RAD21: variants seen among roughly 807,000 people sequenced by gnomAD.
RAD21 encodes the protein RAD21 cohesin complex component.
Under a neutral mutation model 71.5 loss-of-function variants are expected in RAD21, and 18 were observed. That is an observed-to-expected ratio of 0.25 (90% CI 0.17 to 0.37). The LOEUF (loss-of-function observed/expected upper bound fraction) is 0.37. RAD21 is among the 10% of genes least tolerant of loss of function. The pLI, the probability that RAD21 is intolerant of heterozygous loss-of-function variation, is 1.00. For missense variants in RAD21, 493 were observed against 769.1 expected (o/e 0.64, Z 4.25); for synonymous variants, 248 against 254.0 (o/e 0.98, Z 0.22).
In RAD21 at chr8:116,849,041, T is replaced by A. The variant is rs1812300410; in HGVS notation, c.1621-12A>T. Reference sequence around the variant, plus strand: ...GATGCATCTTCATCCTGAATAAAAATGACCCCCAAAAAGCTGACAAAACAA... The same window carrying A: ...GATGCATCTTCATCCTGAATAAAAAAGACCCCCAAAAAGCTGACAAAACAA... On this transcript the variant is annotated splice_polypyrimidine_tract_variant and intron_variant, in intron 12 of 13. Transcript: ENST00000297338. 1.3e-6 allele frequency: 2 copies of A among 1,561,300 alleles called. No homozygotes were observed. The highest frequency in any genetic ancestry group is 3.9e-5 in the Admixed American group (2 of 50,692).
intron 13 of RAD21, among the ~76,000 whole-genome samples, chr8:116,848,285 G>T (rs1165004555): frequency 6.6e-6 from 1 of 152,174 alleles, no homozygotes; most frequent in Non-Finnish European, 1.5e-5. Flanking sequence ...GCCAAAGTAT[G>T]TTATGGTACA....
At chr8:116,856,021 G>A (rs1424794725) in intron 8 of RAD21, 145 bp downstream of exon 8, 4 of 793,776 alleles carry the variant, frequency 5.0e-6, no homozygotes, top group Middle Eastern at 3.9e-4. Context: ...AGCAACAGTA[G>A]CAGATCAGTA....
chr8:116,852,274 G>A lies in RAD21; in HGVS notation c.1322-178C>T. 4 of 674,254 alleles carry A rather than the reference G, an allele frequency of 5.9e-6. No individual in the cohort carries two copies. In the South Asian group the frequency reaches 1.0e-4, roughly 17 times the overall value. 41.8% of individuals were successfully genotyped at this position (674,254 alleles called of 1,614,324 possible). A position where few individuals can be genotyped will look rare whatever the true frequency, so the allele number is the denominator to read the frequency against. On this transcript the variant is annotated intron_variant, in intron 10 of 13. Transcript: ENST00000297338. ...TCAATTTTTAGCAATATACGTAAAGGGGAAAGGGGATCTTAAAAGGACAAG... is the reference window on the plus strand; with the variant it reads ...TCAATTTTTAGCAATATACGTAAAGAGGAAAGGGGATCTTAAAAGGACAAG...
Position 116,864,461 on chromosome 8 carries a change from G to A in RAD21, c.145-1202C>T, listed in dbSNP as rs184582664. On this transcript the variant is annotated intron_variant, in intron 2 of 13. Coordinates refer to ENST00000297338, the MANE Select transcript of RAD21 (RefSeq NM_006265.3). ...TTCTGTATTTATGAGCATTTTATGT[G>A]ACTTACAGCATAAATGATGATGTAT... Among the ~76,000 whole-genome samples the A allele has an allele frequency of 3.2e-4, 49 of 152,102 alleles. 1 individual carries two copies. Among genetic ancestry groups the A allele is most frequent in the Admixed American group, 3.2e-3 (49 of 15,268 alleles).
chr8:116,869,973 T>C (rs1812777338), intron 1 of RAD21, among the ~76,000 whole-genome samples: 1 of 152,200 alleles, frequency 6.6e-6, no homozygotes, highest in African/African-American at 2.4e-5. Flanking sequence ...GTTACGCGTA[T>C]CACAAGCAAC....
chr8:116,854,287 A>G lies in RAD21; in HGVS notation c.1119T>C (p.Phe373=). The G allele has an allele frequency of 1.2e-6, 2 of 1,613,864 alleles. No homozygotes were observed. Among genetic ancestry groups the G allele is most frequent in the South Asian group, 1.1e-5 (1 of 91,066 alleles). ...TCCACAAAGGCTGAGCAGGTAAAGA[A>G]AACAGTTTTTCTACTCCTCCTGTCT... ...WKETGGVEKL[F]SLPAQPLWNN... is the part of the protein sequence containing the mutation. The change falls in exon 9 of 14, where the codon TTT becomes TTC. Residue 373 remains phenylalanine, a synonymous_variant. Coordinates refer to ENST00000297338, the MANE Select transcript of RAD21 (RefSeq NM_006265.3).
intron 1 of RAD21, among the ~76,000 whole-genome samples, chr8:116,871,619 C>A (rs1487627495): frequency 6.6e-6 from 1 of 152,220 alleles, no homozygotes; most frequent in Non-Finnish European, 1.5e-5. Context: ...TTCACTTACA[C>A]TTTCTAGCCA....
chr8:116,863,446 A>G (rs535288938), intron 2 of RAD21, among the ~76,000 whole-genome samples, 187 bp from the exon 3 acceptor site: 17 of 152,280 alleles, frequency 1.1e-4, no homozygotes, highest in African/African-American at 4.1e-4. Context: ...TAACACAAAC[A>G]TGAAGGAAGC....
In RAD21 at chr8:116,847,751, G is replaced by T. The variant is rs140855287; in HGVS notation, c.1705-60C>A. 3.5e-5 allele frequency: 50 copies of T among 1,421,510 alleles called. No individual in the cohort carries two copies. The African/African-American group carries it at 5.1e-4, about 14-fold the overall frequency. The allele number at this position is 1,421,510 out of a possible 1,614,324, so 88.1% of individuals were successfully genotyped here. A position where few individuals can be genotyped will look rare whatever the true frequency, so the allele number is the denominator to read the frequency against. ...TATAATAAAGTAGTAATTCAGTGAG[G>T]ATGCTGATACAGTTTGAATATTTGT... is the stretch of plus-strand genomic sequence containing the variant. On this transcript the variant is annotated intron_variant, in intron 13 of 13. Coordinates refer to ENST00000297338, the MANE Select transcript of RAD21 (RefSeq NM_006265.3).
At chr8:116,865,679 C>T (rs1273541099) in intron 2 of RAD21, among the ~76,000 whole-genome samples, 1 of 152,090 alleles carries the variant, frequency 6.6e-6, no homozygotes, top group Non-Finnish European at 1.5e-5. Context: ...ACCTGTAATC[C>T]TACCATCTAC....
intron 9 of RAD21, among the ~76,000 whole-genome samples, chr8:116,853,983 TAC>T (rs1410602881): frequency 6.6e-6 from 1 of 152,188 alleles, no homozygotes; most frequent in Non-Finnish European, 1.5e-5. Flanking sequence ...AATAATTTAT[TAC>T]AGAGAGAAGT....
chr8:116,849,256 G>A, intron 12 of RAD21: 1 of 420,032 alleles, frequency 2.4e-6, no homozygotes, highest in Non-Finnish European at 4.2e-6. Flanking sequence ...GCAAACATTT[G>A]GCTGAAAGTA....
At chr8:116,858,569 GT>G (rs1812520143) in intron 4 of RAD21, 111 bp from the exon 5 acceptor site, 1 of 704,014 alleles carries the variant, frequency 1.4e-6, no homozygotes, top group Non-Finnish European at 2.3e-6. Flanking sequence ...AACCCACCAA[GT>G]TTTAGAAGCC....
At chr8:116,850,323 C>A (rs1812322041) in intron 12 of RAD21, among the ~76,000 whole-genome samples, 1 of 152,098 alleles carries the variant, frequency 6.6e-6, no homozygotes, top group South Asian at 2.1e-4. Context: ...GTCCACTGAC[C>A]ACAAGATAGT....
intron 2 of RAD21, among the ~76,000 whole-genome samples, chr8:116,866,231 G>A (rs1007611695): frequency 1.4e-5 from 2 of 145,928 alleles, no homozygotes; most frequent in Non-Finnish European, 3.0e-5. Flanking sequence ...TAAGTAATAC[G>A]CATTTACAGC....
chr8:116,849,768 G>T (rs1183291995), intron 12 of RAD21, among the ~76,000 whole-genome samples: 3 of 152,102 alleles, frequency 2.0e-5, no homozygotes, highest in Non-Finnish European at 4.4e-5. Context: ...TCACACATAG[G>T]TAGAAGTGGC....
intron 1 of RAD21, 146 bp downstream of exon 1, chr8:116,874,465 G>A (rs1027683634): frequency 4.7e-6 from 1 of 211,312 alleles, no homozygotes; most frequent in Non-Finnish European, 9.5e-6. Context: ...GGCGCCGGGA[G>A]GGTGGCAGCA....
intron 1 of RAD21, among the ~76,000 whole-genome samples, chr8:116,871,555 T>C (rs1444378660): frequency 6.6e-6 from 1 of 152,230 alleles, no homozygotes; most frequent in African/African-American, 2.4e-5. Flanking sequence ...ACTGCGGTTG[T>C]GTAAATTGGT....
chr8:116,871,120 A>G (rs374456879), intron 1 of RAD21, among the ~76,000 whole-genome samples: 1 of 152,338 alleles, frequency 6.6e-6, no homozygotes. Context: ...CTCCTGGTGT[A>G]TATCTGAATA....
Sources: gnomAD v4.1 joint callset for allele counts (sites outside exome capture counted in the v4.1 genomes callset) on GRCh38, gnomAD v4.1.1 for gene constraint, MANE v1.5 for transcripts, NCBI Gene and HGNC (gene_info 2026-07-23, HGNC 2026-07-21) for gene names.